Variants in ATRX observed in about 807,000 individuals in gnomAD.
The protein encoded by ATRX is chromatin remodeler ATRX.
ATRX carries 12 observed loss-of-function variants against 172.6 expected under a neutral mutation model. The ratio of observed to expected loss-of-function variants is 0.07; its 90% CI spans 0.04 to 0.11. The LOEUF is 0.11. Ranked by LOEUF, ATRX falls within the 10% of genes least tolerant of loss-of-function variation. ATRX has a pLI of 1.00. For missense variants in ATRX, 1,368 were observed against 1,767.4 expected (o/e 0.77, Z 4.05); for synonymous variants, 674 against 594.7 (o/e 1.13, Z -1.94).
chrX:77,682,002 C>T lies in ATRX; in HGVS notation c.3254G>A (p.Gly1085Glu), dbSNP rs781813972. The T allele has an allele frequency of 1.7e-6, 2 of 1,208,987 alleles. No homozygotes were observed. The highest frequency in any genetic ancestry group is 3.0e-5 in the East Asian group (1 of 33,726). Reference protein sequence around the residue: ...DSSEDKKSKNGAYGREKKRCK... With the variant: ...DSSEDKKSKNEAYGREKKRCK... ...CCTTTTCTTCTCTCTACCATATGCT[C>T]CATTCTTACTCTTTTTATCCTCTGA... is the stretch of plus-strand genomic sequence containing the variant. Residue 1085 changes from glycine (G) to glutamate (E), a missense_variant, in exon 9 of 35, where the codon GGA becomes GAA. Gly to Glu is a moderately conservative substitution (Grantham distance 98). Transcript: ENST00000373344.
chrX:77,705,085 C>T (rs1177378848), intron 2 of ATRX, among the ~76,000 whole-genome samples: 2 of 111,189 alleles, frequency 1.8e-5, no homozygotes, highest in Non-Finnish European at 3.8e-5. Flanking sequence ...CGGCTGCACC[C>T]GGGGCTCCTG....
intron 27 of ATRX, among the ~76,000 whole-genome samples, chrX:77,577,371 G>A (rs2065657058): frequency 9.0e-6 from 1 of 111,225 alleles, no homozygotes; most frequent in Non-Finnish European, 1.9e-5. Context: ...GATTAGTGAT[G>A]CTAGACATCT....
chrX:77,635,341 T>C (rs1331800806), intron 16 of ATRX, among the ~76,000 whole-genome samples: 2 of 111,228 alleles, frequency 1.8e-5, no homozygotes, highest in African/African-American at 3.3e-5. Flanking sequence ...AAAAAGAGAA[T>C]GGCTTCCTAT....
intron 1 of ATRX, among the ~76,000 whole-genome samples, chrX:77,741,147 A>G (rs781951696): frequency 9.0e-6 from 1 of 110,831 alleles, no homozygotes; most frequent in East Asian, 2.8e-4. Flanking sequence ...TGGGAGATCA[A>G]GGCTGCAGTG....
At position 77,693,826 on chromosome X, in the gene ATRX, C is replaced by T. The variant is rs2072038407; in HGVS notation, c.482G>A (p.Gly161Glu). 8.4e-6 allele frequency: 10 copies of T among 1,197,352 alleles called. No homozygotes were observed. The highest frequency in any genetic ancestry group is 1.0e-5 in the Non-Finnish European group (9 of 882,874). Residue 161 changes from glycine (G) to glutamate (E), a missense_variant and splice_region_variant, in exon 6 of 35, where the codon GGA becomes GAA. By Grantham distance (98) the Gly-to-Glu change is moderately conservative. This residue lies in a region of ATRX where 15 missense variants were observed against 33.2 expected (regional missense o/e 0.45). Transcript: ENST00000373344. ...GTTTCATTTTCACTTGTATTTACCT[C>T]CGCGTTTTTTGAGATTTTCAGTTTT... ...KMKTENLKKR[G>E]EDGLHGIVSC...
At chrX:77,687,970 T>C (rs1962989941) in intron 7 of ATRX, among the ~76,000 whole-genome samples, 1 of 111,538 alleles carries the variant, frequency 9.0e-6, no homozygotes, top group Admixed American at 9.5e-5. Flanking sequence ...GAAATTTCCC[T>C]CTTGTTGTCC....
intron 22 of ATRX, among the ~76,000 whole-genome samples, chrX:77,605,021 T>C (rs2066849834): frequency 9.0e-6 from 1 of 111,343 alleles, no homozygotes; most frequent in Non-Finnish European, 1.9e-5. Context: ...ACGAGAAGAG[T>C]GAATGAGAAA....
At chrX:77,690,534 A>T (rs2071825291) in intron 6 of ATRX, among the ~76,000 whole-genome samples, 1 of 111,327 alleles carries the variant, frequency 9.0e-6, no homozygotes, top group Non-Finnish European at 1.9e-5. Flanking sequence ...CACAATTATA[A>T]ATCACTGTAG....
intron 1 of ATRX, among the ~76,000 whole-genome samples, chrX:77,761,636 T>C (rs1557192812): frequency 8.9e-6 from 1 of 111,739 alleles, no homozygotes; most frequent in Non-Finnish European, 1.9e-5. Context: ...TCTCCACATA[T>C]AGTTATCTTT....
At position 77,521,354 on chromosome X, in the gene ATRX, G is replaced by A. The variant is rs1557041295; in HGVS notation, c.7071+49C>T. 13 of 995,628 alleles carry A rather than the reference G, an allele frequency of 1.3e-5. No homozygotes were observed. In the Middle Eastern group the frequency reaches 2.1e-3, roughly 159 times the overall value. 82.1% of individuals were successfully genotyped at this position (995,628 alleles called of 1,213,427 possible). On this transcript the variant is annotated intron_variant, in intron 33 of 34. Transcript: ENST00000373344. ...ATTTAAAAAAATGGCAGTAGGGGGT[G>A]GAGGGTACAAATTGGAGGTTGGAAT...
chrX:77,717,486 T>A (rs1307406436), intron 1 of ATRX, among the ~76,000 whole-genome samples: 13 of 109,479 alleles, frequency 1.2e-4, no homozygotes, highest in Non-Finnish European at 2.3e-4. Flanking sequence ...GCCTGTGGTC[T>A]CAGCTACTCA....
chrX:77,516,779 A>G (rs1035319206), intron 34 of ATRX, among the ~76,000 whole-genome samples: 2 of 112,141 alleles, frequency 1.8e-5, no homozygotes, highest in Non-Finnish European at 3.8e-5. Flanking sequence ...CAGAATATAC[A>G]TTCTTTTCCT....
At chrX:77,531,403 C>T (rs1471040943) in intron 30 of ATRX, among the ~76,000 whole-genome samples, 2 of 111,729 alleles carry the variant, frequency 1.8e-5, no homozygotes, top group African/African-American at 6.5e-5. Context: ...CTGAATGAAA[C>T]CAGCAGCACA....
intron 11 of ATRX, 89 bp from the exon 12 acceptor site, chrX:77,663,647 T>A: frequency 2.5e-6 from 2 of 808,840 alleles, no homozygotes; most frequent in Non-Finnish European, 1.8e-6. Context: ...TACTGCAACT[T>A]ATGAAAAAAA....
intron 25 of ATRX, among the ~76,000 whole-genome samples, chrX:77,597,671 A>G (rs1453698570): frequency 3.6e-5 from 4 of 112,004 alleles, no homozygotes; most frequent in Non-Finnish European, 7.5e-5. Context: ...AGAACATACA[A>G]GCAGCCAACA....
Position 77,551,447 on chromosome X carries a change from C to T in ATRX, c.6699+6004G>A, listed in dbSNP as rs782484454. On this transcript the variant is annotated intron_variant, in intron 30 of 34. Transcript: ENST00000373344. ...AAGCTGGAACTGGATCCCTTCCTTA[C>T]GCCTTATACAAAAATTAATTCAAGA... Among the ~76,000 whole-genome samples, 23 of 112,031 alleles carry T rather than the reference C, an allele frequency of 2.1e-4. No homozygotes were observed. The South Asian group carries it at 2.2e-3, about 11-fold the overall frequency.
intron 15 of ATRX, among the ~76,000 whole-genome samples, chrX:77,640,668 C>T (rs1208277691): frequency 9.0e-6 from 1 of 110,849 alleles, no homozygotes; most frequent in Non-Finnish European, 1.9e-5. Flanking sequence ...ACCAACAAGA[C>T]CCCTATATTC....
At chrX:77,532,901 A>C (rs2063625957) in intron 30 of ATRX, among the ~76,000 whole-genome samples, 1 of 112,279 alleles carries the variant, frequency 8.9e-6, no homozygotes, top group Admixed American at 9.4e-5. Flanking sequence ...CTATATTACA[A>C]AGGTATAATA....
Position 77,785,952 on chromosome X carries a change from TG to T in ATRX, c.20+29del, listed in dbSNP as rs782270199. On this transcript the variant is annotated intron_variant, in intron 1 of 34. Coordinates refer to ENST00000373344, the MANE Select transcript of ATRX (RefSeq NM_000489.6). ...CAGACGGTGCCTGGGCCCAGACCGC[TG>T]GGGCCCATGAGACGGGGTTGCGTTT... is the stretch of plus-strand genomic sequence containing the variant. 5 of 1,180,510 alleles carry T rather than the reference TG, an allele frequency of 4.2e-6. No individual in the cohort carries two copies. In the African/African-American group the frequency reaches 7.2e-5, roughly 17 times the overall value.
Sources: gnomAD v4.1 joint callset for allele counts (sites outside exome capture counted in the v4.1 genomes callset) on GRCh38, gnomAD v4.1.1 for gene constraint, gnomAD v4.1.1 regional missense constraint, MANE v1.5 for transcripts, NCBI Gene and HGNC (gene_info 2026-07-23, HGNC 2026-07-21) for gene names.